Variants in FBXW8 observed in about 807,000 individuals in gnomAD.
FBXW8 encodes the protein F-box and WD repeat domain containing 8, also known as F-box/WD repeat-containing protein 8.
In FBXW8, 57 loss-of-function variants were observed where a neutral mutation model predicts 65.3. That is an observed-to-expected ratio of 0.87 (90% CI 0.71 to 1.09). FBXW8 has a LOEUF of 1.09. Among genes scored for constraint, FBXW8 ranks in the 50% least tolerant of loss-of-function variants. The probability of loss-of-function intolerance (pLI) is 0.00; values close to 1 mark genes in which losing one functional copy is unlikely to be tolerated. For synonymous variants in FBXW8, 308 were observed against 330.2 expected, an observed-to-expected ratio of 0.93 and a Z score of 0.73; for missense variants, 777 against 814.8, an observed-to-expected ratio of 0.95 and a Z score of 0.57.
Position 117,024,259 on chromosome 12 carries a change from G to A in FBXW8, c.1480G>A (p.Glu494Lys). Residue 494 changes from glutamate to lysine, a missense_variant, in exon 9 of 11, where the codon GAA becomes AAA. Physicochemically the swap from Glu to Lys is moderately conservative, Grantham distance 56 (BLOSUM62 1). Coordinates refer to ENST00000652555, the MANE Select transcript of FBXW8 (RefSeq NM_153348.3). Reference protein sequence around the residue: ...DDWKIVSGGEEGLVSVWDYRM... With the variant: ...DDWKIVSGGEKGLVSVWDYRM... The stretch of plus-strand genomic sequence containing the variant: ...CTGGAAGATCGTCAGTGGAGGCGAG[G>A]AAGGCCTGGTGTCCGTGTGGGATTA... 1 of 1,614,202 alleles carries A rather than the reference G, an allele frequency of 6.2e-7. No homozygotes were observed.
At chr12:117,000,309 C>G (rs1381081759) in intron 7 of FBXW8, among the ~76,000 whole-genome samples, 1 of 152,232 alleles carries the variant, frequency 6.6e-6, no homozygotes, top group African/African-American at 2.4e-5. Context: ...CACCGCCCAG[C>G]ACTATTGCCT....
rs1192370130 is a variant in FBXW8, at chr12:117,028,037, G to A, written c.1662G>A (p.Gly554=). 2 of 1,614,006 alleles carry A rather than the reference G, an allele frequency of 1.2e-6. No homozygotes were observed. The highest frequency in any genetic ancestry group is 1.7e-6 in the Non-Finnish European group (2 of 1,180,024). ...TTTGTGCTCTTTCTAGACACCGGGG[G>A]CTGATCCGCGCCTATGAGTTTGCGG... ...DSFTTHRRHR[G]LIRAYEFAVD... is the part of the protein sequence containing the mutation. The change falls in exon 11 of 11, where the codon GGG becomes GGA. Residue 554 remains glycine (G), a synonymous_variant. Coordinates refer to ENST00000652555, the MANE Select transcript of FBXW8 (RefSeq NM_153348.3). This position sits in a 1 kb window ranked among gnomAD's most constrained non-coding sequence, Gnocchi z 4.1.
chr12:116,980,449 C>G (rs1260398887), intron 5 of FBXW8: 1 of 152,124 alleles, frequency 6.6e-6, no homozygotes, highest in East Asian at 1.9e-4. Flanking sequence ...TTAAGCAAAC[C>G]TTTATTGATG....
chr12:116,970,516 T>C (rs966081209), intron 5 of FBXW8, among the ~76,000 whole-genome samples: 2 of 152,324 alleles, frequency 1.3e-5, no homozygotes, highest in African/African-American at 4.8e-5. Flanking sequence ...CTCTCCAAGC[T>C]GCTTTTTAGC....
intron 1 of FBXW8, among the ~76,000 whole-genome samples, chr12:116,921,758 T>TA (rs1403916646): frequency 6.6e-6 from 1 of 150,772 alleles, no homozygotes; most frequent in African/African-American, 2.4e-5. Flanking sequence ...TAGAAGAAAA[T>TA]AAAAGTCTTT....
At chr12:116,955,040 G>GT (rs928963193) in intron 4 of FBXW8, among the ~76,000 whole-genome samples, 10 of 151,394 alleles carry the variant, frequency 6.6e-5, no homozygotes, top group Middle Eastern at 3.4e-3. Flanking sequence ...TTGAAATGGG[G>GT]GGGGGGGGCC....
intron 7 of FBXW8, among the ~76,000 whole-genome samples, chr12:117,009,549 C>G (rs1046711964): frequency 5.9e-5 from 9 of 152,146 alleles, no homozygotes; most frequent in Non-Finnish European, 1.2e-4. Flanking sequence ...GGACTCTGTC[C>G]TCAGCACCTA....
intron 8 of FBXW8, among the ~76,000 whole-genome samples, chr12:117,011,975 A>G (rs193157139): frequency 6.6e-6 from 1 of 152,324 alleles, no homozygotes; most frequent in Admixed American, 6.5e-5. Context: ...TCGCTCTTAT[A>G]AGTAATCTAG....
At chr12:116,983,828 T>G (rs1156875076) in intron 5 of FBXW8, among the ~76,000 whole-genome samples, 21 of 152,234 alleles carry the variant, frequency 1.4e-4, no homozygotes, top group Admixed American at 1.4e-3. Flanking sequence ...ATGGTCCATC[T>G]TCAGTGCTTC....
rs1592930630 is a variant in FBXW8, at chr12:116,988,841, G to A, written c.1211G>A (p.Gly404Asp). Reference sequence around the variant, plus strand: ...AACCAAGTTGCTTTTGGTGTACAGGGTCTGGGATGGGTGTACGAAGGAAGC... The same window carrying A: ...AACCAAGTTGCTTTTGGTGTACAGGATCTGGGATGGGTGTACGAAGGAAGC... The part of the protein sequence containing the change: ...SANQVAFGVQ[G>D]LGWVYEGSKI... Residue 404 changes from glycine to aspartate, a missense_variant, in exon 7 of 11, where the codon GGT (glycine) becomes GAT (aspartate). By Grantham distance (94) the Gly-to-Asp change is moderately conservative. Transcript: ENST00000652555. 1 of 1,614,096 alleles carries A rather than the reference G, an allele frequency of 6.2e-7. No individual in the cohort carries two copies. The highest frequency in any genetic ancestry group is 8.5e-7 in the Non-Finnish European group (1 of 1,180,026).
intron 1 of FBXW8, among the ~76,000 whole-genome samples, chr12:116,919,134 A>G (rs1593036250): frequency 6.6e-6 from 1 of 152,250 alleles, no homozygotes; most frequent in East Asian, 1.9e-4. Context: ...GGAAAGCAAA[A>G]CCGCGGATAA....
chr12:117,023,970 G>C (rs116310944), intron 8 of FBXW8, among the ~76,000 whole-genome samples, 177 bp from the exon 9 acceptor site: 1 of 152,232 alleles, frequency 6.6e-6, no homozygotes, highest in Non-Finnish European at 1.5e-5. Context: ...AGATGAGACC[G>C]TGTGGGTCCT....
chr12:116,992,435 T>A (rs887546283), intron 7 of FBXW8, among the ~76,000 whole-genome samples: 2 of 151,924 alleles, frequency 1.3e-5, no homozygotes, highest in Admixed American at 1.3e-4. Flanking sequence ...GTTTTTTTTT[T>A]AATTCGTTCT....
At chr12:116,935,544 G>T (rs1408569378) in intron 2 of FBXW8, among the ~76,000 whole-genome samples, 6 of 152,190 alleles carry the variant, frequency 3.9e-5, no homozygotes, top group Non-Finnish European at 8.8e-5. Flanking sequence ...GTATGCTCAA[G>T]ACCCAAGTGC....
At chr12:116,940,454 A>C (rs1292189177) in intron 2 of FBXW8, among the ~76,000 whole-genome samples, 2 of 149,952 alleles carry the variant, frequency 1.3e-5, no homozygotes, top group African/African-American at 4.9e-5. Flanking sequence ...AAAGTTAAGA[A>C]TTTAGGTATA....
chr12:116,973,912 G>A (rs1473600998), intron 5 of FBXW8, among the ~76,000 whole-genome samples: 2 of 152,220 alleles, frequency 1.3e-5, no homozygotes, highest in Non-Finnish European at 2.9e-5. Flanking sequence ...GAAGTAACAG[G>A]AACTGGATTT....
intron 8 of FBXW8, among the ~76,000 whole-genome samples, chr12:117,019,420 C>T (rs12099584): frequency 0.047 from 7,175 of 152,202 alleles, 412 homozygotes; most frequent in African/African-American, 0.13. Context: ...TCCCTGGAAT[C>T]GGTTGTCTTG....
intron 8 of FBXW8, among the ~76,000 whole-genome samples, chr12:117,021,145 C>T (rs1334014853): frequency 1.3e-5 from 2 of 152,206 alleles, no homozygotes; most frequent in Admixed American, 1.3e-4. Flanking sequence ...TGTTACCAAA[C>T]TTTACCTTTG....
intron 7 of FBXW8, among the ~76,000 whole-genome samples, chr12:117,009,216 A>T (rs868427037): frequency 1.3e-5 from 2 of 152,142 alleles, no homozygotes; most frequent in Admixed American, 6.5e-5. Context: ...TACTTAAAAA[A>T]TTTTTTAAAA....
Sources: allele counts gnomAD v4.1 joint callset (sites outside exome capture counted in the v4.1 genomes callset), GRCh38; gene constraint gnomAD v4.1.1; non-coding constraint Gnocchi (gnomAD v3.1); transcripts MANE v1.5; gene names NCBI Gene and HGNC (gene_info 2026-07-23, HGNC 2026-07-21).